The following EML5 variants were observed in gnomAD, a reference collection of about 807,000 sequenced individuals.
The protein encoded by EML5 is echinoderm microtubule-associated protein-like 5.
Under a neutral mutation model 250.0 loss-of-function variants are expected in EML5, and 120 were observed. That is an observed-to-expected ratio of 0.48 (90% CI 0.41 to 0.56). EML5 has a LOEUF of 0.56. Ranked by LOEUF, EML5 falls within the 20% of genes least tolerant of loss-of-function variation. EML5 has a pLI of 0.00. For missense variants in EML5, 2,006 were observed against 2,437.6 expected (o/e 0.82, Z 3.73); for synonymous variants, 771 against 806.5 (o/e 0.96, Z 0.75).
intron 14 of EML5, among the ~76,000 whole-genome samples, chr14:88,699,460 T>C (rs182541536): frequency 5.7e-4 from 86 of 152,190 alleles, no homozygotes; most frequent in African/African-American, 2.0e-3. Flanking sequence ...CCTCCCCTTT[T>C]TATCTCTTAT....
intron 27 of EML5, among the ~76,000 whole-genome samples, chr14:88,654,835 G>C (rs2091804721): frequency 6.6e-6 from 1 of 152,118 alleles, no homozygotes. Context: ...GATTATCCTT[G>C]TTAATTTTCT....
At chr14:88,695,637 A>C (rs2093061031) in intron 15 of EML5, among the ~76,000 whole-genome samples, 183 bp from the exon 16 acceptor site, 1 of 152,144 alleles carries the variant, frequency 6.6e-6, no homozygotes, top group Non-Finnish European at 1.5e-5. Context: ...AAAGTTTCTC[A>C]AATCCTCTAA....
At chr14:88,776,862 C>T (rs2094451773) in intron 1 of EML5, among the ~76,000 whole-genome samples, 1 of 152,112 alleles carries the variant, frequency 6.6e-6, no homozygotes, top group African/African-American at 2.4e-5. Flanking sequence ...GCATGGGTGA[C>T]AGAGCAAGAC....
intron 25 of EML5, among the ~76,000 whole-genome samples, chr14:88,659,971 T>C (rs1405854704): frequency 6.6e-6 from 1 of 152,024 alleles, no homozygotes; most frequent in African/African-American, 2.4e-5. Flanking sequence ...ATAACTTAAT[T>C]TGTGAATTAA....
At chr14:88,696,809 A>G (rs749912657) in intron 15 of EML5, 38 bp downstream of exon 15, 3 of 1,467,322 alleles carry the variant, frequency 2.0e-6, no homozygotes, top group African/African-American at 1.4e-5. Context: ...TTGCCTCTGC[A>G]TTTTGTTAAT....
chr14:88,692,122 C>T (rs1164462828), intron 17 of EML5, among the ~76,000 whole-genome samples: 2 of 152,100 alleles, frequency 1.3e-5, no homozygotes, highest in Non-Finnish European at 2.9e-5. Flanking sequence ...TGTCTGTAAT[C>T]CCAGCACTTT....
At chr14:88,664,158 G>A (rs1043689396) in intron 23 of EML5, among the ~76,000 whole-genome samples, 4 of 151,200 alleles carry the variant, frequency 2.6e-5, no homozygotes, top group African/African-American at 7.3e-5. Context: ...CATGCCTGTA[G>A]TCCCAGCACT....
chr14:88,696,216 A>T (rs1040642681), intron 15 of EML5, among the ~76,000 whole-genome samples: 1 of 151,780 alleles, frequency 6.6e-6, no homozygotes, highest in African/African-American at 2.4e-5. Context: ...TGGATAATTT[A>T]TCACTTCAGT....
intron 42 of EML5, 86 bp from the exon 43 acceptor site, chr14:88,616,328 A>T: frequency 7.8e-7 from 1 of 1,275,328 alleles, no homozygotes; most frequent in Non-Finnish European, 1.1e-6. Flanking sequence ...CTCTATGACA[A>T]GAGCTGTGGA....
intron 20 of EML5, among the ~76,000 whole-genome samples, chr14:88,684,804 A>G (rs979836444): frequency 2.0e-5 from 3 of 152,028 alleles, no homozygotes; most frequent in South Asian, 2.1e-4. Flanking sequence ...GTATACATTA[A>G]CAGAAAAAAA....
Position 88,727,424 on chromosome 14 carries a change from G to T in EML5, c.1050-746C>A, listed in dbSNP as rs1252391158. Among the ~76,000 whole-genome samples the T allele has an allele frequency of 3.6e-5, 5 of 137,252 alleles. No individual in the cohort carries two copies. In the East Asian group the frequency reaches 1.1e-3, roughly 30 times the overall value. The allele number at this position is 137,252 out of a possible 152,430, so 90.0% of individuals were successfully genotyped here. A position where few individuals can be genotyped will look rare whatever the true frequency, so the allele number is the denominator to read the frequency against. ...GCATTTTTTTTTTTTTTTTTGAGAC[G>T]GAGTTTCGTTCCTGTTGTCCAGGCC... is the stretch of plus-strand genomic sequence containing the variant. On this transcript the variant is annotated intron_variant, in intron 7 of 43. Transcript: ENST00000554922.
In EML5 at chr14:88,622,569, T is replaced by G. The variant is rs1371513701; in HGVS notation, c.5013+35A>C. On this transcript the variant is annotated intron_variant, in intron 37 of 43. Coordinates refer to ENST00000554922, the MANE Select transcript of EML5 (RefSeq NM_183387.3). ...TCACAGTAATAACCACTTTCTGTTT[T>G]CTGCTGCACTGTATCAGCTCATGGA... 3 of 1,480,174 alleles carry G rather than the reference T, an allele frequency of 2.0e-6. No homozygotes were observed. In the African/African-American group the frequency reaches 4.3e-5, roughly 21 times the overall value. 91.7% of individuals were successfully genotyped at this position (1,480,174 alleles called of 1,614,324 possible).
At chr14:88,755,820 T>C (rs760674698) in intron 1 of EML5, among the ~76,000 whole-genome samples, 19 of 151,954 alleles carry the variant, frequency 1.3e-4, no homozygotes, top group South Asian at 2.1e-4. Context: ...CAGCAAACCA[T>C]TGTCTCTACA....
chr14:88,778,746 T>C (rs1450400246), intron 1 of EML5, among the ~76,000 whole-genome samples: 1 of 152,212 alleles, frequency 6.6e-6, no homozygotes, highest in Non-Finnish European at 1.5e-5. Context: ...GCCACTGCAC[T>C]CCAGCCTGGC....
At chr14:88,695,683 C>T (rs917764774) in intron 15 of EML5, among the ~76,000 whole-genome samples, 1 of 151,846 alleles carries the variant, frequency 6.6e-6, no homozygotes, top group African/African-American at 2.4e-5. Context: ...TCTCCTTTTC[C>T]CTTATCTATC....
chr14:88,622,578 C>G, intron 37 of EML5, 26 bp downstream of exon 37: 1 of 1,531,580 alleles, frequency 6.5e-7, no homozygotes, highest in Non-Finnish European at 8.8e-7. Flanking sequence ...TTCTGCTGCA[C>G]TGTATCAGCT....
chr14:88,686,582 G>A (rs984227960), intron 19 of EML5, among the ~76,000 whole-genome samples: 5 of 151,632 alleles, frequency 3.3e-5, no homozygotes, highest in Non-Finnish European at 7.4e-5. Context: ...TGCTTCGGGA[G>A]GCCAAGTTTA....
At chr14:88,754,423 T>G in intron 2 of EML5, 89 bp downstream of exon 2, 1 of 1,195,458 alleles carries the variant, frequency 8.4e-7, no homozygotes, top group Non-Finnish European at 1.1e-6. Flanking sequence ...TTTCATCAAG[T>G]GTCCAATTTA....
In EML5 at chr14:88,754,622, T is replaced by C. The variant is rs761787213; in HGVS notation, c.247A>G (p.Lys83Glu). Residue 83 changes from lysine (K) to glutamate (E), a missense_variant, in exon 2 of 44, where the codon AAA becomes GAA. By Grantham distance (56) the Lys-to-Glu change is moderately conservative. Around this residue, in one of 7 missense-constraint regions of EML5, gnomAD observed 162 missense variants for 212.2 expected, o/e 0.76. Transcript: ENST00000554922. The stretch of plus-strand genomic sequence containing the variant: ...TCCCAAATACAAATATAAGGCTCTT[T>C]CCCAACTTGTCCTGTTGCTACCAAC... ...RVLVATGQVG[K>E]EPYICIWDSY... 4.3e-6 allele frequency: 7 copies of C among 1,613,016 alleles called. No individual in the cohort carries two copies. In the South Asian group the frequency reaches 7.7e-5, roughly 18 times the overall value.
Sources: gnomAD v4.1 joint callset for allele counts (sites outside exome capture counted in the v4.1 genomes callset) on GRCh38, gnomAD v4.1.1 for gene constraint, gnomAD v4.1.1 regional missense constraint, MANE v1.5 for transcripts, NCBI Gene and HGNC (gene_info 2026-07-23, HGNC 2026-07-21) for gene names.